TBX19: variants seen among roughly 807,000 people sequenced by gnomAD.
TBX19 encodes T-box transcription factor 19, also known as T-box transcription factor TBX19.
TBX19 carries 33 observed loss-of-function variants against 40.9 expected under a neutral mutation model. The ratio of observed to expected loss-of-function variants is 0.81; its 90% confidence interval spans 0.61 to 1.08. The LOEUF is 1.08. Ranked by LOEUF, TBX19 falls within the 50% of genes least tolerant of loss-of-function variation. The pLI, the probability that TBX19 is intolerant of heterozygous loss-of-function variation, is 0.00. For synonymous variants in TBX19, 220 were observed against 225.0 expected, an observed-to-expected ratio of 0.98 and a Z score of 0.20; for missense variants, 494 against 574.0, an observed-to-expected ratio of 0.86 and a Z score of 1.42.
chr1:168,296,888 G>A (rs1161604421), intron 3 of TBX19, among the ~76,000 whole-genome samples: 12 of 149,630 alleles, frequency 8.0e-5, no homozygotes, highest in East Asian at 1.9e-4. Context: ...ATATATATAT[G>A]TGTGTGTATA....
chr1:168,297,498 T>C (rs1430199585), intron 3 of TBX19: 2 of 610,766 alleles, frequency 3.3e-6, no homozygotes, highest in Admixed American at 2.8e-5. Flanking sequence ...AATGATAAAA[T>C]GTCCTTTGCC....
chr1:168,299,607 TG>T (rs1649225492), intron 4 of TBX19, among the ~76,000 whole-genome samples: 1 of 151,894 alleles, frequency 6.6e-6, no homozygotes, highest in Non-Finnish European at 1.5e-5. Flanking sequence ...TCCCAAGTAG[TG>T]GGGACTACAG....
intron 2 of TBX19, among the ~76,000 whole-genome samples, chr1:168,292,367 G>A (rs1224250823): frequency 1.3e-5 from 2 of 152,224 alleles, no homozygotes; most frequent in Non-Finnish European, 2.9e-5. Context: ...CTCAGAGAGA[G>A]TGTAGCCATC....
chr1:168,307,779 G>A (rs1364291230), intron 6 of TBX19, among the ~76,000 whole-genome samples: 1 of 152,036 alleles, frequency 6.6e-6, no homozygotes, highest in Non-Finnish European at 1.5e-5. Context: ...ACAACATGAC[G>A]TTTTGATATA....
At chr1:168,304,924 A>T in intron 5 of TBX19, 84 bp from the exon 6 acceptor site, 1 of 1,333,526 alleles carries the variant, frequency 7.5e-7, no homozygotes, top group Non-Finnish European at 1.1e-6. Flanking sequence ...CAAGAATTGT[A>T]GCTGTGTAAA....
chr1:168,303,401 G>A (rs1649325363), intron 5 of TBX19, among the ~76,000 whole-genome samples: 1 of 152,196 alleles, frequency 6.6e-6, no homozygotes, highest in African/African-American at 2.4e-5. Context: ...ATATTCCAGT[G>A]TTGCTTTAGA....
chr1:168,308,885 C>T lies in TBX19; in HGVS notation c.1052+8C>T. The T allele has an allele frequency of 2.5e-6, 4 of 1,614,120 alleles. No homozygotes were observed. Among genetic ancestry groups the T allele is most frequent in the Non-Finnish European group, 3.4e-6 (4 of 1,180,018 alleles). The stretch of plus-strand genomic sequence containing the variant: ...AATCAATCCAGGGCCCAGGTAAGAC[C>T]AACACCATCAACTCGCTCATTGGTC... On this transcript the variant is annotated splice_region_variant and intron_variant, in intron 7 of 7. Transcript: ENST00000367821.
rs1649574993 is a variant in TBX19 at position 168,313,596 on chromosome 1, A to G, written c.*594A>G. 6.3e-6 allele frequency: 1 copy of G among 159,014 alleles called. No homozygotes were observed. Among genetic ancestry groups the G allele is most frequent in the South Asian group, 1.9e-4 (1 of 5,340 alleles). 9.9% of individuals were successfully genotyped at this position (159,014 alleles called of 1,614,324 possible). On this transcript the variant is annotated 3_prime_UTR_variant, in exon 8 of 8. Coordinates refer to ENST00000367821, the MANE Select transcript of TBX19 (RefSeq NM_005149.3). ...GCTCAGAAACCTTCAATGGTTCACC[A>G]TTACCAGTGGAATGAAGTCAATTCT...
At chr1:168,291,084 T>A in intron 1 of TBX19, 76 bp from the exon 2 acceptor site, 1 of 1,603,278 alleles carries the variant, frequency 6.2e-7, no homozygotes, top group Non-Finnish European at 8.5e-7. Context: ...AAGGTCTCAG[T>A]ATTGAGAGGC....
chr1:168,287,107 C>T (rs928004953), intron 1 of TBX19, among the ~76,000 whole-genome samples: 3 of 152,220 alleles, frequency 2.0e-5, no homozygotes, highest in Non-Finnish European at 4.4e-5. Context: ...ATGCTACACT[C>T]TTTATGAGAC....
chr1:168,304,405 G>T (rs1649350757), intron 5 of TBX19, among the ~76,000 whole-genome samples: 1 of 152,134 alleles, frequency 6.6e-6, no homozygotes, highest in African/African-American at 2.4e-5. Flanking sequence ...GGGTCCAGGT[G>T]GAGCCACTGG....
At position 168,293,192 on chromosome 1, in the gene TBX19, C is replaced by A; in HGVS notation, c.517C>A (p.Arg173Ser). 1 of 1,613,626 alleles carries A rather than the reference C, an allele frequency of 6.2e-7. No individual in the cohort carries two copies. Among genetic ancestry groups the A allele is most frequent in the Non-Finnish European group, 8.5e-7 (1 of 1,179,850 alleles). ...ATATGAACCCCAGGTTCACATAGTGCGTGTTGGAAGTGCCCATCGAATGGT... is the reference window on the plus strand; with the variant it reads ...ATATGAACCCCAGGTTCACATAGTGAGTGTTGGAAGTGCCCATCGAATGGT... ...HKYEPQVHIV[R>S]VGSAHRMVTN... is the part of the protein sequence containing the mutation. The change falls in exon 3 of 8, where the codon CGT (arginine) becomes AGT (serine). Residue 173 changes from arginine (R) to serine (S), a missense_variant. Around this residue, in one of 3 missense-constraint regions of TBX19, gnomAD observed 201 missense variants for 235.2 expected, o/e 0.85. Transcript: ENST00000367821.
intron 1 of TBX19, among the ~76,000 whole-genome samples, chr1:168,286,663 A>G (rs1016662667): frequency 1.3e-5 from 2 of 152,198 alleles, no homozygotes; most frequent in African/African-American, 4.8e-5. Context: ...CATTTTAGCT[A>G]TTATGCATAA....
At chr1:168,282,052 A>G (rs1648667112) in intron 1 of TBX19, among the ~76,000 whole-genome samples, 1 of 152,200 alleles carries the variant, frequency 6.6e-6, no homozygotes, top group Non-Finnish European at 1.5e-5. Context: ...GGAGACGCAA[A>G]TATTTTGAAA....
chr1:168,301,417 C>T (rs1649272183), intron 5 of TBX19, among the ~76,000 whole-genome samples: 1 of 152,148 alleles, frequency 6.6e-6, no homozygotes, highest in African/African-American at 2.4e-5. Flanking sequence ...CATGTGCCAC[C>T]ATGCCCGGCT....
Position 168,312,186 on chromosome 1 carries a change from A to G in TBX19, c.1053-522A>G, listed in dbSNP as rs561146752. The stretch of plus-strand genomic sequence containing the variant: ...ATCCTTGTAGCAATCTCTGTAAGGT[A>G]GGTAAAATTATGAATCCACATCTTG... On this transcript the variant is annotated intron_variant, in intron 7 of 7. Coordinates refer to ENST00000367821, the MANE Select transcript of TBX19 (RefSeq NM_005149.3). Among the ~76,000 whole-genome samples, 4 of 152,344 alleles carry G rather than the reference A, an allele frequency of 2.6e-5. No homozygotes were observed. The South Asian group carries it at 8.3e-4, about 32-fold the overall frequency.
At chr1:168,292,143 C>T (rs1257579052) in intron 2 of TBX19, among the ~76,000 whole-genome samples, 1 of 152,084 alleles carries the variant, frequency 6.6e-6, no homozygotes, top group Non-Finnish European at 1.5e-5. Flanking sequence ...TTTGGCTTTC[C>T]CTCAGCCTCC....
intron 5 of TBX19, among the ~76,000 whole-genome samples, chr1:168,301,772 A>G (rs976816622): frequency 1.3e-5 from 2 of 152,260 alleles, no homozygotes; most frequent in Non-Finnish European, 2.9e-5. Flanking sequence ...CTACTGTAAC[A>G]TGAGCTGCTG....
chr1:168,288,839 C>A (rs940353181), intron 1 of TBX19, among the ~76,000 whole-genome samples: 1 of 152,004 alleles, frequency 6.6e-6, no homozygotes, highest in Non-Finnish European at 1.5e-5. Context: ...TAGCTCACTA[C>A]AGCCCCGACC....
Sources: gnomAD v4.1 joint callset for allele counts (sites outside exome capture counted in the v4.1 genomes callset) on GRCh38, gnomAD v4.1.1 for gene constraint, gnomAD v4.1.1 regional missense constraint, MANE v1.5 for transcripts, NCBI Gene and HGNC (gene_info 2026-07-23, HGNC 2026-07-21) for gene names.